Variants in SORBS2 observed in about 807,000 individuals in gnomAD.
SORBS2 encodes the protein sorbin and SH3 domain-containing protein 2.
A neutral mutation model predicts 97.7 loss-of-function variants in SORBS2; 46 were observed. The observed-to-expected ratio is 0.47, with a 90% CI of 0.37 to 0.60. SORBS2 has a LOEUF of 0.60. Ranked by LOEUF, SORBS2 falls within the 20% of genes least tolerant of loss-of-function variation. The pLI is 0.00. For missense variants in SORBS2, 1,316 were observed against 1,282.3 expected, an observed-to-expected ratio of 1.03 and a Z score of -0.40; for synonymous variants, 476 against 473.4, an observed-to-expected ratio of 1.01 and a Z score of -0.07.
At chr4:185,880,307 G>A (rs985036744) in intron 1 of SORBS2, among the ~76,000 whole-genome samples, 1 of 152,144 alleles carries the variant, frequency 6.6e-6, no homozygotes, top group African/African-American at 2.4e-5. Flanking sequence ...CTGGCTTCTG[G>A]TTTACTCTGC....
chr4:185,934,808 A>T (rs2099268187), intron 1 of SORBS2, among the ~76,000 whole-genome samples: 1 of 151,502 alleles, frequency 6.6e-6, no homozygotes. Context: ...TGAGAGAGAA[A>T]TCAAGGCAGT....
At chr4:185,657,471 C>A, upstream of SORBS2, 1 of 1,565,724 alleles carries the variant, frequency 6.4e-7, no homozygotes, top group Non-Finnish European at 8.6e-7. Context: ...GGCCCGATCC[C>A]TGGGTAATGC....
chr4:185,926,116 C>T (rs1037838586), intron 1 of SORBS2, among the ~76,000 whole-genome samples: 5 of 152,334 alleles, frequency 3.3e-5, no homozygotes, highest in African/African-American at 1.2e-4. Flanking sequence ...GCGCTATAAC[C>T]GCGCTATGTG....
chr4:185,784,004 G>A (rs80071932), intron 1 of SORBS2, among the ~76,000 whole-genome samples: 3,522 of 152,188 alleles, frequency 0.023, 140 homozygotes, highest in African/African-American at 0.08. Context: ...CTGACAGTAC[G>A]GCCAGTTAAC....
At chr4:185,950,036 G>A (rs2099276443) in intron 1 of SORBS2, among the ~76,000 whole-genome samples, 1 of 152,188 alleles carries the variant, frequency 6.6e-6, no homozygotes, top group Non-Finnish European at 1.5e-5. Context: ...GGCGGATCAT[G>A]AGGTCAGGAG....
rs140071523 is a variant in SORBS2 at position 185,947,473 on chromosome 4, G to C, written c.-338+8723C>G. On this transcript the variant is annotated intron_variant, in intron 1 of 20. Transcript: ENST00000284776. ...ATCTTTAGAGGGACAGAACTGCAGA[G>C]TCTTAAAGGGCAAAAGTGAGGCAAA... Among the ~76,000 whole-genome samples, 317 of 152,264 alleles carry C rather than the reference G, an allele frequency of 2.1e-3. 1 individual carries two copies. Among genetic ancestry groups the C allele is most frequent in the African/African-American group, 7.2e-3 (299 of 41,534 alleles).
At chr4:185,681,026 T>A (rs1240249716) in intron 2 of SORBS2, among the ~76,000 whole-genome samples, 1 of 152,078 alleles carries the variant, frequency 6.6e-6, no homozygotes, top group Admixed American at 6.5e-5. Flanking sequence ...CTGAAGGGTC[T>A]TGCATCGCAC....
At position 185,862,755 on chromosome 4, in the gene SORBS2, C is replaced by G. The variant is rs57911331; in HGVS notation, c.-337-87389G>C. 8.7e-3 allele frequency among the ~76,000 whole-genome samples: 1,331 copies of G among 152,322 alleles called. 28 individuals carry two copies. Among genetic ancestry groups the G allele is most frequent in the African/African-American group, 0.03 (1,262 of 41,556 alleles). ...CCTGGTGTGAGGAAGCTTGCCTCTT[C>G]TTCCTCTGCCCTTCAACCTCAGGTC... On this transcript the variant is annotated intron_variant, in intron 1 of 20. Coordinates refer to the SORBS2 transcript ENST00000284776.
chr4:185,592,805 A>T (rs949258564), intron 13 of SORBS2: 7 of 152,240 alleles, frequency 4.6e-5, no homozygotes, highest in African/African-American at 1.7e-4. Flanking sequence ...GGCCTTCCAA[A>T]GTGCTGGGAT....
At chr4:185,865,734 C>T (rs1478454340) in intron 1 of SORBS2, among the ~76,000 whole-genome samples, 1 of 152,132 alleles carries the variant, frequency 6.6e-6, no homozygotes, top group African/African-American at 2.4e-5. Context: ...ATAATGTGAC[C>T]TCTGGTTCTG....
At chr4:185,627,616 T>A (rs2096837815) in intron 5 of SORBS2, among the ~76,000 whole-genome samples, 1 of 152,188 alleles carries the variant, frequency 6.6e-6, no homozygotes, top group South Asian at 2.1e-4. Flanking sequence ...CAGTTTCCCT[T>A]ATCATTTACA....
At chr4:185,649,437 C>T (rs1193439997) in intron 3 of SORBS2, 30 bp downstream of exon 12, 1 of 1,521,228 alleles carries the variant, frequency 6.6e-7, no homozygotes, top group East Asian at 2.4e-5. Flanking sequence ...CTAAGCGAAA[C>T]ATAGGCCACC....
chr4:185,897,762 T>C (rs2099245744), intron 1 of SORBS2, among the ~76,000 whole-genome samples: 1 of 151,954 alleles, frequency 6.6e-6, no homozygotes, highest in South Asian at 2.1e-4. Context: ...TTAGGCTGGG[T>C]GCAGTGGCTC....
chr4:185,764,366 A>G (rs546834035), intron 2 of SORBS2, among the ~76,000 whole-genome samples: 77 of 152,356 alleles, frequency 5.1e-4, no homozygotes, highest in Non-Finnish European at 8.1e-4. Context: ...CATAATGACA[A>G]ACTATTTGAT....
In SORBS2 at chr4:185,606,269, G is replaced by A. The variant is rs547943257; in HGVS notation, c.2796+5511C>T. On this transcript the variant is annotated intron_variant, in intron 12 of 14. Transcript: ENST00000418609. This position sits in a 1 kb window ranked among gnomAD's most constrained non-coding sequence, Gnocchi z 4.3. ...TTTTTAGAATAGTGTCTGATACTCA[G>A]TAAGAGCTCCACTATTAGCTATCAT... The A allele has an allele frequency of 8.5e-5, 84 of 984,334 alleles. No individual in the cohort carries two copies. The African/African-American group carries it at 1.3e-3, about 16-fold the overall frequency. 61.0% of individuals were successfully genotyped at this position (984,334 alleles called of 1,614,324 possible). A position where few individuals can be genotyped will look rare whatever the true frequency, so the allele number is the denominator to read the frequency against.
chr4:185,588,606 CCCTCCT>C (rs769971016), intron 14 of SORBS2, among the ~76,000 whole-genome samples: 1 of 150,808 alleles, frequency 6.6e-6, no homozygotes, highest in Non-Finnish European at 1.5e-5. Flanking sequence ...TCCTCCTCCT[CCCTCCT>C]CCTCCTCCTC....
intron 2 of SORBS2, among the ~76,000 whole-genome samples, chr4:185,679,579 CAT>C (rs769260392): frequency 5.9e-5 from 9 of 152,108 alleles, no homozygotes; most frequent in African/African-American, 1.7e-4. Context: ...ACGTTTAACT[CAT>C]GTGTATTTTA....
At chr4:185,815,645 A>T (rs1377143073) in intron 1 of SORBS2, among the ~76,000 whole-genome samples, 1 of 152,078 alleles carries the variant, frequency 6.6e-6, no homozygotes, top group East Asian at 1.9e-4. Context: ...CTAATAGTAT[A>T]CGCACACACA....
At chr4:185,624,433 G>A (rs374695933) in exon 7 of SORBS2, 7 of 1,613,932 alleles carry the variant, frequency 4.3e-6, no homozygotes, top group Non-Finnish European at 5.1e-6. Flanking sequence ...ACTCACTGGA[G>A]GGGTTGCCGT....
Sources: allele counts gnomAD v4.1 joint callset (sites outside exome capture counted in the v4.1 genomes callset), GRCh38; gene constraint gnomAD v4.1.1; non-coding constraint Gnocchi (gnomAD v3.1); transcripts MANE v1.5; gene names NCBI Gene and HGNC (gene_info 2026-07-23, HGNC 2026-07-21).